Variants in ABCB6 observed in about 807,000 individuals in gnomAD.
ABCB6 encodes ATP binding cassette subfamily B member 6 (LAN blood group), also known as ATP-binding cassette sub-family B member 6.
ABCB6 carries 87 observed loss-of-function variants against 99.4 expected under a neutral mutation model. The observed-to-expected ratio is 0.88, with a 90% CI of 0.74 to 1.05. The LOEUF (loss-of-function observed/expected upper bound fraction) is 1.05. Ranked by LOEUF, ABCB6 falls within the 50% of genes least tolerant of loss-of-function variation. The pLI is 0.00. For missense variants in ABCB6, 1,050 were observed against 1,097.9 expected (o/e 0.96, Z 0.62); for synonymous variants, 482 against 447.5 (o/e 1.08, Z -0.97).
At position 219,213,573 on chromosome 2, in the gene ABCB6, G is replaced by C; in HGVS notation, c.1655+17C>G. On this transcript the variant is annotated intron_variant, in intron 10 of 18. Coordinates refer to ENST00000265316, the MANE Select transcript of ABCB6 (RefSeq NM_005689.4). ...AATAATGTGCCCTGGACAGGTGAGGGCCAGGGCTCAGATTACCTGTAGTAG... is the reference window on the plus strand; with the variant it reads ...AATAATGTGCCCTGGACAGGTGAGGCCCAGGGCTCAGATTACCTGTAGTAG... 1 of 1,613,918 alleles carries C rather than the reference G, an allele frequency of 6.2e-7. No individual in the cohort carries two copies. The highest frequency in any genetic ancestry group is 1.3e-5 in the African/African-American group (1 of 75,056).
chr2:219,215,065 A>G lies in ABCB6; in HGVS notation c.1172T>C (p.Val391Ala), dbSNP rs755827109. The G allele has an allele frequency of 5.6e-6, 9 of 1,614,034 alleles. No individual in the cohort carries two copies. Among genetic ancestry groups the G allele is most frequent in the Admixed American group, 3.3e-5 (2 of 60,002 alleles). Residue 391 changes from valine to alanine, a missense_variant, in exon 6 of 19, where the codon GTC becomes GCC. Coordinates refer to ENST00000265316, the MANE Select transcript of ABCB6 (RefSeq NM_005689.4). ...GATGATGTCGGCCAGCGTGGGGATG[A>G]CATTGAACACCAGGTAGCTAGGAGG... is the stretch of plus-strand genomic sequence containing the variant. ...TGLLSYLVFN[V>A]IPTLADIIIG...
intron 12 of ABCB6, 57 bp downstream of exon 12, chr2:219,213,184 C>G (rs966358048): frequency 1.9e-6 from 3 of 1,608,286 alleles, no homozygotes; most frequent in Non-Finnish European, 2.6e-6. Context: ...CACTGAGAAG[C>G]AGGAAGGCAG....
chr2:219,213,303 C>A lies in ABCB6; in HGVS notation c.1743G>T (p.Gly581=), dbSNP rs550424352. 1 of 1,614,080 alleles carries A rather than the reference C, an allele frequency of 6.2e-7. No individual in the cohort carries two copies. The highest frequency in any genetic ancestry group is 1.3e-5 in the African/African-American group (1 of 75,046). ...ETEVKDLPGA[G]PLRFQKGRIE... is the part of the protein sequence containing the mutation. ...TACGGCCCTTCTGAAAGCGAAGGGG[C>A]CCTGCTCCAGGAAGGTCCTTCACCT... The change falls in exon 12 of 19, where the codon GGG becomes GGT. Residue 581 remains glycine, a synonymous_variant. Coordinates refer to ENST00000265316, the MANE Select transcript of ABCB6 (RefSeq NM_005689.4).
In ABCB6 at chr2:219,218,456, T is replaced by C. The variant is rs755929824; in HGVS notation, c.218A>G (p.Tyr73Cys). ...SWGAGPRISP[Y>C]VLQLLLATLQ... ...TGTGGCCAGAAGCAGCTGCAGCACG[T>C]AGGGAGAGATGCGAGGGCCGGCCCC... is the stretch of plus-strand genomic sequence containing the variant. Residue 73 changes from tyrosine to cysteine, a missense_variant, in exon 1 of 19, where the codon TAC becomes TGC. Coordinates refer to ENST00000265316, the MANE Select transcript of ABCB6 (RefSeq NM_005689.4). The C allele has an allele frequency of 3.7e-6, 6 of 1,608,356 alleles. No homozygotes were observed. The highest frequency in any genetic ancestry group is 4.2e-6 in the Non-Finnish European group (5 of 1,178,006).
intron 17 of ABCB6, 37 bp from the exon 18 acceptor site, chr2:219,210,335 C>CA: frequency 6.2e-7 from 1 of 1,614,208 alleles, no homozygotes; most frequent in South Asian, 1.1e-5. Context: ...CTACCCCACC[C>CA]AAAGCGGGCC....
In ABCB6 at chr2:219,216,089, G is replaced by T; in HGVS notation, c.1062C>A (p.His354Gln). Residue 354 changes from histidine to glutamine, a missense_variant, in exon 5 of 19, where the codon CAC becomes CAA. His to Gln is a conservative substitution (Grantham distance 24). Coordinates refer to ENST00000265316, the MANE Select transcript of ABCB6 (RefSeq NM_005689.4). This position sits in a 1 kb window ranked among gnomAD's most constrained non-coding sequence, Gnocchi z 4.2. ...CCAGGTGCCAGCGCAGTGAGAGCTC[G>T]TGCAGGTGGGAGAAGATGAGCAGCT... ...RVELLIFSHL[H>Q]ELSLRWHLGR... 6 of 1,590,296 alleles carry T rather than the reference G, an allele frequency of 3.8e-6. No individual in the cohort carries two copies. The highest frequency in any genetic ancestry group is 5.1e-6 in the Non-Finnish European group (6 of 1,168,870).
chr2:219,212,278 G>A (rs892598390), intron 14 of ABCB6, 109 bp downstream of exon 14: 7 of 832,418 alleles, frequency 8.4e-6, no homozygotes, highest in African/African-American at 1.7e-5. Flanking sequence ...ATGCTAGAAT[G>A]GCCCTAGTTT....
Position 219,218,615 on chromosome 2 carries a change from T to C in ABCB6, c.59A>G (p.Gln20Arg). 1 of 1,611,150 alleles carries C rather than the reference T, an allele frequency of 6.2e-7. No individual in the cohort carries two copies. The highest frequency in any genetic ancestry group is 8.5e-7 in the Non-Finnish European group (1 of 1,179,028). ...GAAGAAGCAGGGACTCAGGCCATCCTGCATCCAGGCCGGACCCACGGGCCC... is the reference window on the plus strand; with the variant it reads ...GAAGAAGCAGGGACTCAGGCCATCCCGCATCCAGGCCGGACCCACGGGCCC... ...AEGPVGPAWM[Q>R]DGLSPCFFFT... The change falls in exon 1 of 19, where the codon CAG becomes CGG. Residue 20 changes from glutamine (Q) to arginine (R), a missense_variant. Coordinates refer to ENST00000265316, the MANE Select transcript of ABCB6 (RefSeq NM_005689.4).
At chr2:219,214,799 T>G (rs867275022) in intron 6 of ABCB6, 162 bp downstream of exon 6, 1 of 795,772 alleles carries the variant, frequency 1.3e-6, no homozygotes. Context: ...AAGGTTTGAT[T>G]TGACAGAAGA....
intron 14 of ABCB6, 68 bp from the exon 15 acceptor site, chr2:219,211,176 GGCC>G (rs1950574987): frequency 6.4e-7 from 1 of 1,568,226 alleles, no homozygotes; most frequent in Non-Finnish European, 8.7e-7. Flanking sequence ...AGGGTGGGCT[GGCC>G]GGAAGCACGT....
intron 2 of ABCB6, among the ~76,000 whole-genome samples, chr2:219,217,336 G>A (rs965854972): frequency 6.6e-6 from 1 of 150,464 alleles, no homozygotes; most frequent in African/African-American, 2.5e-5. Flanking sequence ...GGGTGACGGA[G>A]CAAGATTCCG....
At position 219,209,814 on chromosome 2, in the gene ABCB6, A is replaced by T; in HGVS notation, c.*124T>A. On this transcript the variant is annotated 3_prime_UTR_variant, in exon 19 of 19. Coordinates refer to ENST00000265316, the MANE Select transcript of ABCB6 (RefSeq NM_005689.4). ...TTTCCCCAAAAGATGTTTTTCGGAA[A>T]GGTCCCTTTCCCTTACCATAGCTAG... 1 of 776,690 alleles carries T rather than the reference A, an allele frequency of 1.3e-6. No homozygotes were observed. Among genetic ancestry groups the T allele is most frequent in the Non-Finnish European group, 2.2e-6 (1 of 447,290 alleles). The allele number at this position is 776,690 out of a possible 1,614,324, so 48.1% of individuals were successfully genotyped here.
chr2:219,213,788 C>T, intron 9 of ABCB6, 38 bp downstream of exon 9: 1 of 1,613,808 alleles, frequency 6.2e-7, no homozygotes, highest in Non-Finnish European at 8.5e-7. Context: ...GCCCCCTTTT[C>T]CTTGTGCCCC....
intron 6 of ABCB6, 192 bp from the exon 7 acceptor site, chr2:219,214,690 A>G: frequency 1.6e-6 from 1 of 627,894 alleles, no homozygotes; most frequent in Middle Eastern, 3.6e-4. Context: ...AAATGAAAGC[A>G]AGCTGCATCT....
chr2:219,216,569 G>A lies in ABCB6; in HGVS notation c.868+83C>T. The stretch of plus-strand genomic sequence containing the variant: ...AGTCTCTTTCTGACCACCCAGCTCT[G>A]TCCCACCTCCCTAGGTAAGGACCAT... On this transcript the variant is annotated intron_variant, in intron 3 of 18. Transcript: ENST00000265316. This position sits in a 1 kb window ranked among gnomAD's most constrained non-coding sequence, Gnocchi z 4.2. 2 of 1,537,866 alleles carry A rather than the reference G, an allele frequency of 1.3e-6. No individual in the cohort carries two copies. The highest frequency in any genetic ancestry group is 1.8e-6 in the Non-Finnish European group (2 of 1,133,924).
chr2:219,218,833 T>A lies in ABCB6; in HGVS notation c.-160A>T. 1 of 758,200 alleles carries A rather than the reference T, an allele frequency of 1.3e-6. No homozygotes were observed. Among genetic ancestry groups the A allele is most frequent in the Admixed American group, 3.4e-5 (1 of 29,232 alleles). The allele number at this position is 758,200 out of a possible 1,614,324, so 47.0% of individuals were successfully genotyped here. A position where few individuals can be genotyped will look rare whatever the true frequency, so the allele number is the denominator to read the frequency against. Reference sequence around the variant, plus strand: ...GGAAGGGACGCACGTGGACCAGGCCTCACCGCCCACTCCCCTAGCGCACGC... The same window carrying A: ...GGAAGGGACGCACGTGGACCAGGCCACACCGCCCACTCCCCTAGCGCACGC... On this transcript the variant is annotated 5_prime_UTR_variant, in exon 1 of 19. Coordinates refer to ENST00000265316, the MANE Select transcript of ABCB6 (RefSeq NM_005689.4).
At position 219,210,426 on chromosome 2, in the gene ABCB6, A is replaced by G. The variant is rs755605183; in HGVS notation, c.2306T>C (p.Leu769Pro). The change falls in exon 17 of 19, where the codon CTG becomes CCG. Residue 769 changes from leucine (L) to proline (P), a missense_variant. By Grantham distance (98) the Leu-to-Pro change is moderately conservative. Transcript: ENST00000265316. ...GGTGCGGTTGGCACAGACTTTGGCC[A>G]GAGAAGCCTGGATGGCCCTCTCATT... The part of the protein sequence containing the change: ...TSNERAIQAS[L>P]AKVCANRTTI... 3 of 1,614,184 alleles carry G rather than the reference A, an allele frequency of 1.9e-6. No homozygotes were observed. Among genetic ancestry groups the G allele is most frequent in the East Asian group, 2.2e-5 (1 of 44,882 alleles).
In ABCB6 at chr2:219,216,404, G is replaced by A; in HGVS notation, c.930C>T (p.Val310=). 3 of 1,614,068 alleles carry A rather than the reference G, an allele frequency of 1.9e-6. No individual in the cohort carries two copies. Among genetic ancestry groups the A allele is most frequent in the Non-Finnish European group, 2.5e-6 (3 of 1,180,002 alleles). The change falls in exon 4 of 19, where the codon GTC becomes GTT. Residue 310 remains valine, a synonymous_variant. Transcript: ENST00000265316. This position sits in a 1 kb window ranked among gnomAD's most constrained non-coding sequence, Gnocchi z 4.2. ...NSLAWTVTSY[V]FLKFLQGGGT... is the part of the protein sequence containing the mutation. Reference sequence around the variant, plus strand: ...CACCCCCCTGGAGGAACTTGAGGAAGACGTAACTGGTAACAGTCCAGGCCA... The same window carrying A: ...CACCCCCCTGGAGGAACTTGAGGAAAACGTAACTGGTAACAGTCCAGGCCA...
chr2:219,217,829 G>C lies in ABCB6; in HGVS notation c.550-22C>G, dbSNP rs767393484. On this transcript the variant is annotated intron_variant, in intron 1 of 18. Coordinates refer to ENST00000265316, the MANE Select transcript of ABCB6 (RefSeq NM_005689.4). ...GAACCTAGAATGAAATATAAGTGGA[G>C]AGAGTATCATTGAGGATAAAATTTC... The C allele has an allele frequency of 1.9e-6, 3 of 1,603,302 alleles. No individual in the cohort carries two copies. In the Admixed American group the frequency reaches 5.1e-5, roughly 27 times the overall value.
Sources: allele counts gnomAD v4.1 joint callset (sites outside exome capture counted in the v4.1 genomes callset), GRCh38; gene constraint gnomAD v4.1.1; non-coding constraint Gnocchi (gnomAD v3.1); transcripts MANE v1.5; gene names NCBI Gene and HGNC (gene_info 2026-07-23, HGNC 2026-07-21).